CSTPP1: variants seen among roughly 807,000 people sequenced by gnomAD.
The protein encoded by CSTPP1 is centriolar satellite-associated tubulin polyglutamylase complex regulator 1.
At chr11:46,992,267 C>G in the CSTPP1 span, among the ~76,000 whole-genome samples, 1 of 149,604 alleles carries the variant, frequency 6.7e-6, no homozygotes, top group East Asian at 1.9e-4. Context: ...ACTTTAAGTT[C>G]TAGGGTATAT....
the CSTPP1 span, among the ~76,000 whole-genome samples, chr11:47,062,143 TTATCA>T: frequency 6.6e-6 from 1 of 152,320 alleles, no homozygotes; most frequent in Non-Finnish European, 1.5e-5. Flanking sequence ...CCTCTGATTT[TTATCA>T]TATCATTTAT....
At chr11:46,984,468 G>GT in the CSTPP1 span, among the ~76,000 whole-genome samples, 1 of 152,150 alleles carries the variant, frequency 6.6e-6, no homozygotes, top group South Asian at 2.1e-4. Context: ...GTTATTATTT[G>GT]TAATATGAAA....
At chr11:47,126,069 TTTCTC>T in the CSTPP1 span, among the ~76,000 whole-genome samples, 16 of 152,266 alleles carry the variant, frequency 1.1e-4, no homozygotes, top group South Asian at 2.1e-4. Context: ...GAAATATACT[TTTCTC>T]TTCCTAATCT....
At chr11:47,150,946 G>T in the CSTPP1 span, among the ~76,000 whole-genome samples, 2 of 148,056 alleles carry the variant, frequency 1.4e-5, no homozygotes, top group Admixed American at 1.4e-4. Context: ...GAGTGCAGTG[G>T]CACAAGCTTG....
At chr11:47,042,210 AAAAAT>A in the CSTPP1 span, among the ~76,000 whole-genome samples, 6 of 152,128 alleles carry the variant, frequency 3.9e-5, no homozygotes, top group Non-Finnish European at 8.8e-5. Context: ...CAAAAAAATA[AAAAAT>A]AAAATAAAGA....
the CSTPP1 span, among the ~76,000 whole-genome samples, chr11:47,122,417 C>T: frequency 2.0e-5 from 3 of 151,800 alleles, no homozygotes; most frequent in African/African-American, 7.3e-5. Context: ...GAACGAGGGA[C>T]ATGGAAACAG....
the CSTPP1 span, among the ~76,000 whole-genome samples, chr11:47,063,700 C>T: frequency 3.3e-5 from 5 of 152,138 alleles, no homozygotes; most frequent in South Asian, 8.3e-4. Context: ...TGTGTATATA[C>T]CACATTTTGT....
At chr11:46,936,721 G>C in the CSTPP1 span, 12 of 1,575,354 alleles carry the variant, frequency 7.6e-6, no homozygotes, top group African/African-American at 1.4e-5. Flanking sequence ...CTTCCGCCGC[G>C]TGGGTGCCAT....
chr11:47,013,521 T>G, the CSTPP1 span, among the ~76,000 whole-genome samples: 1 of 152,208 alleles, frequency 6.6e-6, no homozygotes, highest in East Asian at 1.9e-4. Context: ...GTTTCTGTGT[T>G]AGTTTGCTGA....
At chr11:47,137,965 G>T in the CSTPP1 span, 43 of 578,038 alleles carry the variant, frequency 7.4e-5, no homozygotes, top group Admixed American at 9.2e-4. Flanking sequence ...TAGAGTTGGA[G>T]GGTGGTGAGA....
At chr11:47,009,774 C>T in the CSTPP1 span, among the ~76,000 whole-genome samples, 1 of 151,664 alleles carries the variant, frequency 6.6e-6, no homozygotes, top group Non-Finnish European at 1.5e-5. Context: ...CACTACTGCA[C>T]TCTAGCATGG....
At chr11:47,097,521 G>A in the CSTPP1 span, among the ~76,000 whole-genome samples, 17 of 39,248 alleles carry the variant, frequency 4.3e-4, no homozygotes, top group African/African-American at 1.2e-3. Context: ...CTGCCCGGCC[G>A]CCCCTACTGG....
chr11:47,122,091 A>AAAAAAAAAAAAAAATATATATATAT, the CSTPP1 span, among the ~76,000 whole-genome samples: 1 of 31,836 alleles, frequency 3.1e-5, no homozygotes, highest in African/African-American at 9.7e-5. Flanking sequence ...AAAAAAAAAA[A>AAAAAAAAAAAAAAATATATATATAT]ATATATATAT....
chr11:47,053,439 T>C, the CSTPP1 span, among the ~76,000 whole-genome samples: 1 of 151,948 alleles, frequency 6.6e-6, no homozygotes, highest in Non-Finnish European at 1.5e-5. Context: ...TCCAACATGG[T>C]GAAACCCCGT....
At chr11:46,943,249 T>C in the CSTPP1 span, among the ~76,000 whole-genome samples, 1 of 152,248 alleles carries the variant, frequency 6.6e-6, no homozygotes, top group Non-Finnish European at 1.5e-5. Flanking sequence ...TTTACATATA[T>C]TGATGTATAT....
At chr11:46,963,566 A>G in the CSTPP1 span, among the ~76,000 whole-genome samples, 2 of 151,994 alleles carry the variant, frequency 1.3e-5, no homozygotes, top group African/African-American at 2.4e-5. Context: ...GGCAGACCAT[A>G]TGAGGCCAGG....
At chr11:47,146,043 C>A in the CSTPP1 span, among the ~76,000 whole-genome samples, 1 of 152,052 alleles carries the variant, frequency 6.6e-6, no homozygotes, top group African/African-American at 2.4e-5. Flanking sequence ...ACCACCACAC[C>A]CAGCTAAGAA....
chr11:46,941,141 G>T, the CSTPP1 span, among the ~76,000 whole-genome samples: 1 of 152,166 alleles, frequency 6.6e-6, no homozygotes, highest in African/African-American at 2.4e-5. Context: ...GCATATTTAA[G>T]TGTCTTAATT....
chr11:47,131,921 G>T, the CSTPP1 span, among the ~76,000 whole-genome samples: 1 of 152,038 alleles, frequency 6.6e-6, no homozygotes, highest in Non-Finnish European at 1.5e-5. Flanking sequence ...AGGTTGCCAT[G>T]AGCCGAGATT....
Sources: allele counts gnomAD v4.1 joint callset (sites outside exome capture counted in the v4.1 genomes callset), GRCh38; gene constraint gnomAD v4.1.1; transcripts MANE v1.5; gene names NCBI Gene and HGNC (gene_info 2026-07-23, HGNC 2026-07-21).